SIPA1L3: variants seen among roughly 807,000 people sequenced by gnomAD.
The protein encoded by SIPA1L3 is signal-induced proliferation-associated 1-like protein 3.
In SIPA1L3, 59 loss-of-function variants were observed where a neutral mutation model predicts 150.1. The ratio of observed to expected loss-of-function variants is 0.39; its 90% confidence interval spans 0.32 to 0.49. The LOEUF is 0.49. SIPA1L3 is among the 20% of genes least tolerant of loss of function. SIPA1L3 has a pLI of 0.86. For synonymous variants in SIPA1L3, 1,070 were observed against 1,077.6 expected (o/e 0.99, Z 0.14); for missense variants, 2,211 against 2,489.5 (o/e 0.89, Z 2.38).
intron 2 of SIPA1L3, among the ~76,000 whole-genome samples, chr19:38,036,022 C>A (rs1911493821): frequency 1.3e-5 from 2 of 152,200 alleles, no homozygotes; most frequent in African/African-American, 4.8e-5. Context: ...ATTTCATGGG[C>A]CAAGTTGGGA....
At chr19:37,976,237 C>T (rs1967073738) in intron 1 of SIPA1L3, among the ~76,000 whole-genome samples, 1 of 151,976 alleles carries the variant, frequency 6.6e-6, no homozygotes, top group African/African-American at 2.4e-5. Flanking sequence ...GGAGGGTTGT[C>T]CTGGAGGGGA....
intron 1 of SIPA1L3, among the ~76,000 whole-genome samples, chr19:38,009,385 C>G (rs1276389140): frequency 1.3e-5 from 2 of 152,174 alleles, no homozygotes; most frequent in South Asian, 2.1e-4. Context: ...TGGAGGCACT[C>G]TCCTCTGGAG....
At chr19:38,032,483 A>G (rs975914254) in intron 2 of SIPA1L3, among the ~76,000 whole-genome samples, 1 of 152,220 alleles carries the variant, frequency 6.6e-6, no homozygotes, top group Non-Finnish European at 1.5e-5. Flanking sequence ...GAATGAAAAA[A>G]CAAACTCCTT....
chr19:38,016,886 CTTTTTTTTTTTTTTTTT>C (rs58459050), intron 1 of SIPA1L3, among the ~76,000 whole-genome samples: 1 of 69,106 alleles, frequency 1.4e-5, no homozygotes, highest in East Asian at 5.6e-4. Context: ...CCTCCTCTGG[CTTTTTTTTTTTTTTTTT>C]TTTTTTTTTT....
chr19:37,970,485 C>T (rs1194348741), intron 1 of SIPA1L3, among the ~76,000 whole-genome samples: 1 of 152,222 alleles, frequency 6.6e-6, no homozygotes, highest in Admixed American at 6.5e-5. Context: ...CGTTCTGAAT[C>T]TCTGCAGTTT....
chr19:38,049,623 A>G (rs754723233), intron 2 of SIPA1L3, among the ~76,000 whole-genome samples: 18 of 152,172 alleles, frequency 1.2e-4, no homozygotes, highest in Non-Finnish European at 1.9e-4. Flanking sequence ...GCAGCCGGAG[A>G]TAGGCATTCT....
chr19:37,922,931 A>G (rs532125379), intron 1 of SIPA1L3, among the ~76,000 whole-genome samples: 5 of 150,666 alleles, frequency 3.3e-5, no homozygotes, highest in African/African-American at 4.9e-5. Context: ...GATCGAGACC[A>G]TCCTGGCTAA....
At chr19:37,954,538 G>A (rs1391135922) in intron 1 of SIPA1L3, among the ~76,000 whole-genome samples, 1 of 152,146 alleles carries the variant, frequency 6.6e-6, no homozygotes, top group Admixed American at 6.6e-5. Context: ...GTTTTAGGAA[G>A]AGGAACTTGT....
At chr19:38,074,076 G>C (rs1465713251) in intron 2 of SIPA1L3, among the ~76,000 whole-genome samples, 1 of 152,216 alleles carries the variant, frequency 6.6e-6, no homozygotes, top group African/African-American at 2.4e-5. Context: ...CATCACGGGG[G>C]TTCCCCATCG....
chr19:38,178,168 A>G (rs893396612), intron 15 of SIPA1L3, among the ~76,000 whole-genome samples: 1 of 147,356 alleles, frequency 6.8e-6, no homozygotes, highest in Non-Finnish European at 1.5e-5. Flanking sequence ...GACTATGGGC[A>G]TGTGCTATTA....
chr19:38,192,955 C>T (rs935562647), intron 17 of SIPA1L3, among the ~76,000 whole-genome samples: 5 of 152,144 alleles, frequency 3.3e-5, no homozygotes, highest in African/African-American at 1.2e-4. Context: ...CTTCCCCAAC[C>T]CATCAGGCTT....
chr19:38,061,575 C>T (rs921990131), intron 2 of SIPA1L3, among the ~76,000 whole-genome samples: 6 of 151,764 alleles, frequency 4.0e-5, no homozygotes, highest in African/African-American at 9.7e-5. Context: ...TGTGTGCACA[C>T]GTGTGCAAGA....
At chr19:38,181,807 C>G (rs1270932166) in intron 15 of SIPA1L3, among the ~76,000 whole-genome samples, 5 of 147,488 alleles carry the variant, frequency 3.4e-5, no homozygotes, top group African/African-American at 1.3e-4. Flanking sequence ...GATTGCACCA[C>G]TGCACTCCAG....
intron 21 of SIPA1L3, among the ~76,000 whole-genome samples, chr19:38,205,289 G>A (rs1973183746): frequency 1.4e-5 from 1 of 69,960 alleles, no homozygotes; most frequent in Non-Finnish European, 2.6e-5. Flanking sequence ...GTGAAACCCC[G>A]TCTCTACTAA....
intron 1 of SIPA1L3, among the ~76,000 whole-genome samples, chr19:37,965,340 G>A (rs2046894083): frequency 7.3e-6 from 1 of 136,154 alleles, no homozygotes; most frequent in Admixed American, 7.9e-5. Flanking sequence ...TTTTTGAGAA[G>A]GCGTCTCCCT....
At chr19:38,084,606 A>AG (rs1338431764) in intron 3 of SIPA1L3, among the ~76,000 whole-genome samples, 87 of 131,812 alleles carry the variant, frequency 6.6e-4, no homozygotes, top group African/African-American at 2.2e-3. Context: ...CACAGCAGCT[A>AG]GGTTTTTTTT....
In SIPA1L3 at chr19:37,936,387, A is replaced by AAT. The variant is rs1032843785; in HGVS notation, c.-379+29030_-379+29031dup. On this transcript the variant is annotated intron_variant, in intron 1 of 21. Transcript: ENST00000222345. ...ACATTCACTTATCAACTGTTTAGTA[A>AAT]ATTCCTGGCATGGGCAGGGCACTGG... Among the ~76,000 whole-genome samples, 19 of 152,200 alleles carry AAT rather than the reference A, an allele frequency of 1.2e-4. 1 individual carries two copies. Among genetic ancestry groups the AAT allele is most frequent in the Admixed American group, 3.3e-4 (5 of 15,274 alleles).
intron 1 of SIPA1L3, among the ~76,000 whole-genome samples, chr19:37,937,320 A>G (rs1024898262): frequency 6.6e-6 from 1 of 152,192 alleles, no homozygotes; most frequent in Non-Finnish European, 1.5e-5. Flanking sequence ...CTTGAATATT[A>G]CCAGTAACTT....
chr19:37,940,548 C>T (rs1468625563), intron 1 of SIPA1L3, among the ~76,000 whole-genome samples: 1 of 152,076 alleles, frequency 6.6e-6, no homozygotes, highest in African/African-American at 2.4e-5. Context: ...AAATATCTTT[C>T]TAGAATTGGT....
Sources: gnomAD v4.1 joint callset for allele counts (sites outside exome capture counted in the v4.1 genomes callset) on GRCh38, gnomAD v4.1.1 for gene constraint, MANE v1.5 for transcripts, NCBI Gene and HGNC (gene_info 2026-07-23, HGNC 2026-07-21) for gene names.